The following PALLD variants were observed in gnomAD, a reference collection of about 807,000 sequenced individuals.
PALLD encodes palladin.
In PALLD, 61 loss-of-function variants were observed where a neutral mutation model predicts 123.5. The observed-to-expected ratio is 0.49, with a 90% CI of 0.40 to 0.61. The LOEUF (loss-of-function observed/expected upper bound fraction) is 0.61. Among genes scored for constraint, PALLD ranks in the 20% least tolerant of loss-of-function variants. The pLI is 0.00. For synonymous variants in PALLD, 465 were observed against 496.4 expected, an observed-to-expected ratio of 0.94 and a Z score of 0.84; for missense variants, 1,273 against 1,377.0, an observed-to-expected ratio of 0.92 and a Z score of 1.20.
chr4:168,882,627 T>C (rs1752764861), intron 10 of PALLD, among the ~76,000 whole-genome samples: 2 of 152,182 alleles, frequency 1.3e-5, no homozygotes, highest in South Asian at 4.1e-4. Flanking sequence ...CTTTTCATTC[T>C]CTGACCTGAA....
intron 3 of PALLD, among the ~76,000 whole-genome samples, chr4:168,674,944 G>C (rs1780679825): frequency 6.6e-6 from 1 of 151,942 alleles, no homozygotes; most frequent in Non-Finnish European, 1.5e-5. Flanking sequence ...AGGGAGGAGA[G>C]TAAGATGGGG....
At chr4:168,665,007 G>GT (rs1045115608) in intron 2 of PALLD, among the ~76,000 whole-genome samples, 13 of 152,108 alleles carry the variant, frequency 8.5e-5, no homozygotes, top group Non-Finnish European at 1.6e-4. Context: ...AATGTCAAGG[G>GT]TTTTTTGTTA....
chr4:168,785,848 T>TATATATAG (rs1554082465), intron 10 of PALLD, among the ~76,000 whole-genome samples: 4 of 98,278 alleles, frequency 4.1e-5, no homozygotes, highest in Non-Finnish European at 7.9e-5. Flanking sequence ...ACTGTAGAGA[T>TATATATAG]ATATATATAT....
intron 2 of PALLD, among the ~76,000 whole-genome samples, chr4:168,563,939 A>G (rs1182754020): frequency 1.2e-4 from 18 of 152,160 alleles, no homozygotes; most frequent in African/African-American, 4.8e-5. Context: ...TTTAAGTCAG[A>G]GCTTTTAGGG....
chr4:168,754,409 T>C (rs562357705), intron 10 of PALLD, among the ~76,000 whole-genome samples: 1 of 152,358 alleles, frequency 6.6e-6, no homozygotes, highest in Admixed American at 6.5e-5. Flanking sequence ...AATGAGCTGA[T>C]GTGGATGCAA....
intron 10 of PALLD, among the ~76,000 whole-genome samples, chr4:168,721,667 T>C (rs76275040): frequency 0.013 from 1,935 of 152,322 alleles, 40 homozygotes; most frequent in African/African-American, 0.044. Context: ...ATCCTTTCTC[T>C]TCCATCCTCC....
chr4:168,847,789 C>G (rs981265771), intron 10 of PALLD, among the ~76,000 whole-genome samples: 1 of 152,012 alleles, frequency 6.6e-6, no homozygotes, highest in African/African-American at 2.4e-5. Flanking sequence ...ACCTCAAGCA[C>G]TTATCCTTTG....
intron 1 of PALLD, among the ~76,000 whole-genome samples, chr4:168,499,789 ACT>A (rs1314945312): frequency 6.6e-6 from 1 of 151,982 alleles, no homozygotes; most frequent in Non-Finnish European, 1.5e-5. Flanking sequence ...TTCCACCTGG[ACT>A]CTCTAAAGAA....
intron 10 of PALLD, among the ~76,000 whole-genome samples, chr4:168,765,021 G>A (rs1287136869): frequency 2.0e-5 from 3 of 152,146 alleles, no homozygotes; most frequent in Admixed American, 6.6e-5. Context: ...TGATTTCTTT[G>A]TAGTAGGTAG....
intron 6 of PALLD, among the ~76,000 whole-genome samples, chr4:168,688,927 A>G (rs1782346755): frequency 6.6e-6 from 1 of 152,246 alleles, no homozygotes; most frequent in Non-Finnish European, 1.5e-5. Flanking sequence ...GTTAATCCGT[A>G]GAAGCTGGAC....
chr4:168,574,607 C>T (rs576630988), intron 2 of PALLD, among the ~76,000 whole-genome samples: 3 of 152,180 alleles, frequency 2.0e-5, no homozygotes, highest in Admixed American at 6.6e-5. Context: ...TATCCAATAT[C>T]GTCTAACCTG....
chr4:168,634,463 T>C (rs1776140541), intron 2 of PALLD, among the ~76,000 whole-genome samples: 1 of 152,254 alleles, frequency 6.6e-6, no homozygotes, highest in African/African-American at 2.4e-5. Flanking sequence ...ATCTGCCCAC[T>C]GTGGTTTGTG....
chr4:168,636,462 C>G (rs549012038), intron 2 of PALLD, among the ~76,000 whole-genome samples: 1 of 152,304 alleles, frequency 6.6e-6, no homozygotes, highest in African/African-American at 2.4e-5. Context: ...TCTAGCCTGA[C>G]TGACAGAATG....
chr4:168,873,461 G>A (rs1384490479), intron 10 of PALLD, among the ~76,000 whole-genome samples: 6 of 152,096 alleles, frequency 3.9e-5, no homozygotes, highest in Non-Finnish European at 7.4e-5. Flanking sequence ...AGACAATTAC[G>A]AATACCCCAT....
At position 168,668,273 on chromosome 4, in the gene PALLD, T is replaced by C; in HGVS notation, c.992T>C (p.Ile331Thr). Residue 331 changes from isoleucine to threonine, a missense_variant, in exon 3 of 22, where the codon ATA becomes ACA. By Grantham distance (89) the Ile-to-Thr change is moderately conservative. Around this residue, in one of 2 missense-constraint regions of PALLD, gnomAD observed 944 missense variants for 954.5 expected, o/e 0.99. Transcript: ENST00000505667. ...GGAGGGGACCTCCATACCCTGATCA[T>C]AGCAGAGGCCTTTGAGGACGACACA... is the stretch of plus-strand genomic sequence containing the variant. ...CEGGDLHTLI[I>T]AEAFEDDTGR... 6.2e-7 allele frequency: 1 copy of C among 1,614,166 alleles called. No individual in the cohort carries two copies. Among genetic ancestry groups the C allele is most frequent in the Non-Finnish European group, 8.5e-7 (1 of 1,179,986 alleles).
chr4:168,691,330 GGGA>G, intron 8 of PALLD, 38 bp downstream of exon 8: 1 of 1,551,202 alleles, frequency 6.4e-7, no homozygotes, highest in Non-Finnish European at 8.9e-7. Context: ...TTGGTGGTGG[GGGA>G]GCAGATAATG....
intron 2 of PALLD, among the ~76,000 whole-genome samples, chr4:168,551,510 C>T (rs1766721853): frequency 6.6e-6 from 1 of 152,012 alleles, no homozygotes; most frequent in Admixed American, 6.5e-5. Context: ...AACAAAATTT[C>T]AAAATATAGT....
intron 1 of PALLD, among the ~76,000 whole-genome samples, chr4:168,502,606 A>C (rs1040596828): frequency 3.9e-5 from 6 of 152,242 alleles, no homozygotes; most frequent in South Asian, 2.1e-4. Flanking sequence ...GTTTAAGAGC[A>C]GAATAATGTT....
chr4:168,904,126 ATAT>A (rs1163334628), intron 15 of PALLD: 7 of 550,056 alleles, frequency 1.3e-5, no homozygotes, highest in Non-Finnish European at 2.3e-5. Context: ...CCTTCCACAA[ATAT>A]TATTAAGGGT....
Sources: gnomAD v4.1 joint callset for allele counts (sites outside exome capture counted in the v4.1 genomes callset) on GRCh38, gnomAD v4.1.1 for gene constraint, gnomAD v4.1.1 regional missense constraint, MANE v1.5 for transcripts, NCBI Gene and HGNC (gene_info 2026-07-23, HGNC 2026-07-21) for gene names.